ATP8A2: variants seen among roughly 807,000 people sequenced by gnomAD.
ATP8A2 encodes the protein phospholipid-transporting ATPase IB.
Under a neutral mutation model 165.6 loss-of-function variants are expected in ATP8A2, and 100 were observed. The ratio of observed to expected loss-of-function variants is 0.60; its 90% CI spans 0.51 to 0.71. ATP8A2 has a LOEUF of 0.71. Ranked by LOEUF, ATP8A2 falls within the 30% of genes least tolerant of loss-of-function variation. The pLI is 0.00. For missense variants in ATP8A2, 1,227 were observed against 1,479.5 expected (o/e 0.83, Z 2.80); for synonymous variants, 543 against 548.8 (o/e 0.99, Z 0.15).
intron 30 of ATP8A2, among the ~76,000 whole-genome samples, chr13:25,842,777 G>C (rs1951774905): frequency 6.6e-6 from 1 of 151,722 alleles, no homozygotes; most frequent in African/African-American, 2.4e-5. Context: ...GAAAGAAGGA[G>C]GGAAAAAGAA....
At chr13:25,772,895 G>T (rs1593323527) in intron 26 of ATP8A2, among the ~76,000 whole-genome samples, 1 of 152,084 alleles carries the variant, frequency 6.6e-6, no homozygotes, top group Non-Finnish European at 1.5e-5. Flanking sequence ...GAGTAGCTGG[G>T]ATTACAGGCA....
At chr13:25,868,035 G>A in intron 33 of ATP8A2, 1 of 432,634 alleles carries the variant, frequency 2.3e-6, no homozygotes, top group South Asian at 1.6e-5. Flanking sequence ...GGCGCTCAGT[G>A]AGAATTTCCT....
At chr13:25,405,344 C>T (rs752320086) in intron 1 of ATP8A2, among the ~76,000 whole-genome samples, 3 of 152,152 alleles carry the variant, frequency 2.0e-5, no homozygotes, top group Non-Finnish European at 4.4e-5. Context: ...TGGGATCTAC[C>T]GCATATGATG....
chr13:25,422,163 CA>C (rs2034319267), intron 1 of ATP8A2, among the ~76,000 whole-genome samples: 1 of 151,990 alleles, frequency 6.6e-6, no homozygotes, highest in African/African-American at 2.4e-5. Context: ...TTTAAACAGA[CA>C]AAAACACTTA....
intron 24 of ATP8A2, among the ~76,000 whole-genome samples, chr13:25,669,946 A>C (rs2042231642): frequency 6.6e-6 from 1 of 152,188 alleles, no homozygotes; most frequent in African/African-American, 2.4e-5. Flanking sequence ...GGTTTACTTT[A>C]GCTCCCTGAT....
chr13:25,961,712 T>C, intron 34 of ATP8A2, 49 bp downstream of exon 34: 1 of 1,378,766 alleles, frequency 7.3e-7, no homozygotes, highest in Non-Finnish European at 1.0e-6. Flanking sequence ...CATCTGTCCC[T>C]GGAATTGTCT....
chr13:25,622,002 A>G (rs992648374), intron 24 of ATP8A2, among the ~76,000 whole-genome samples: 1 of 152,032 alleles, frequency 6.6e-6, no homozygotes, highest in Non-Finnish European at 1.5e-5. Context: ...GTGAAACCCC[A>G]TCTCTACTAA....
intron 33 of ATP8A2, among the ~76,000 whole-genome samples, chr13:25,875,738 TATTCA>T (rs1482894974): frequency 1.3e-5 from 2 of 152,248 alleles, no homozygotes; most frequent in African/African-American, 4.8e-5. Flanking sequence ...TGTGGCATGA[TATTCA>T]TTGATATTGG....
chr13:25,578,924 T>A (rs1367233742), intron 21 of ATP8A2, 25 bp downstream of exon 21: 1 of 1,463,390 alleles, frequency 6.8e-7, no homozygotes, highest in East Asian at 2.3e-5. Context: ...GAAATGCTGT[T>A]TTTGGCCATT....
rs2039470485 is a variant in ATP8A2 at position 25,571,656 on chromosome 13, C to T, written c.1626C>T (p.Phe542=). ...GAGCTAAAAAGCTGGGCTTTGTCTT[C>T]ACAGCCAGAACACCATTCTCAGTCA... ...VKGAKKLGFV[F]TARTPFSVII... The change falls in exon 18 of 37, where the codon TTC becomes TTT. Residue 542 remains phenylalanine (F), a synonymous_variant. Coordinates refer to ENST00000381655, the MANE Select transcript of ATP8A2 (RefSeq NM_016529.6). The T allele has an allele frequency of 6.2e-7, 1 of 1,613,980 alleles. No individual in the cohort carries two copies. The highest frequency in any genetic ancestry group is 1.3e-5 in the African/African-American group (1 of 74,936).
At chr13:25,882,765 T>C (rs926727158) in intron 33 of ATP8A2, among the ~76,000 whole-genome samples, 1 of 152,182 alleles carries the variant, frequency 6.6e-6, no homozygotes. Flanking sequence ...TCTAAAGAGA[T>C]GTCTGTTTTG....
intron 2 of ATP8A2, among the ~76,000 whole-genome samples, chr13:25,488,462 T>G (rs2036420786): frequency 6.6e-6 from 1 of 152,206 alleles, no homozygotes; most frequent in Non-Finnish European, 1.5e-5. Flanking sequence ...GAGTCTTGCC[T>G]GGGCATGGTG....
At position 25,658,015 on chromosome 13, in the gene ATP8A2, C is replaced by A. The variant is rs988371141; in HGVS notation, c.2212-41158C>A. 9.2e-5 allele frequency among the ~76,000 whole-genome samples: 14 copies of A among 152,218 alleles called. No individual in the cohort carries two copies. In the South Asian group the frequency reaches 2.5e-3, roughly 27 times the overall value. ...CATCTTCTAAAGAATTTCAGTTTTA[C>A]AGATTGGAGTAGTGAACTCAGGGAA... On this transcript the variant is annotated intron_variant, in intron 24 of 36. Coordinates refer to ENST00000381655, the MANE Select transcript of ATP8A2 (RefSeq NM_016529.6).
chr13:25,539,392 C>T (rs1470962852), intron 7 of ATP8A2, among the ~76,000 whole-genome samples: 5 of 151,300 alleles, frequency 3.3e-5, no homozygotes, highest in Non-Finnish European at 7.4e-5. Context: ...GGGTTACAAG[C>T]GTGAGCCACA....
chr13:25,447,422 A>AC (rs2035099352), intron 1 of ATP8A2, among the ~76,000 whole-genome samples: 2 of 151,932 alleles, frequency 1.3e-5, no homozygotes, highest in Non-Finnish European at 2.9e-5. Flanking sequence ...AGTTCCCTTG[A>AC]CCCCCTCGTG....
At chr13:25,595,023 T>C (rs1201633996) in intron 24 of ATP8A2, among the ~76,000 whole-genome samples, 1 of 149,708 alleles carries the variant, frequency 6.7e-6, no homozygotes, top group Non-Finnish European at 1.5e-5. Flanking sequence ...TATGCGTATA[T>C]GTATATGTAT....
intron 35 of ATP8A2, among the ~76,000 whole-genome samples, chr13:25,994,797 C>T (rs1956464154): frequency 6.6e-6 from 1 of 151,968 alleles, no homozygotes; most frequent in Non-Finnish European, 1.5e-5. Flanking sequence ...GGTTTTTTTG[C>T]ATCTATGTTT....
chr13:25,386,991 C>T (rs1286367873), intron 1 of ATP8A2, among the ~76,000 whole-genome samples: 2 of 90,874 alleles, frequency 2.2e-5, no homozygotes, highest in Non-Finnish European at 3.0e-5. Flanking sequence ...AGCGAGACTC[C>T]ATCTCAAAAA....
intron 24 of ATP8A2, among the ~76,000 whole-genome samples, chr13:25,592,028 G>GT (rs34939632): frequency 0.54 from 78,399 of 145,330 alleles, 23,367 homozygotes; most frequent in Non-Finnish European, 0.69. Flanking sequence ...GCCAACACTG[G>GT]TTTTTTTTTT....
Sources: gnomAD v4.1 joint callset for allele counts (sites outside exome capture counted in the v4.1 genomes callset) on GRCh38, gnomAD v4.1.1 for gene constraint, MANE v1.5 for transcripts, NCBI Gene and HGNC (gene_info 2026-07-23, HGNC 2026-07-21) for gene names.